NOVA1: variants seen among roughly 807,000 people sequenced by gnomAD.
NOVA1 encodes the protein RNA-binding protein Nova-1.
NOVA1 carries 7 observed loss-of-function variants against 38.0 expected under a neutral mutation model. The observed-to-expected ratio is 0.18, with a 90% confidence interval of 0.10 to 0.35. The LOEUF (loss-of-function observed/expected upper bound fraction) is 0.35. Among genes scored for constraint, NOVA1 ranks in the 10% least tolerant of loss-of-function variants. The pLI is 1.00. For synonymous variants in NOVA1, 270 were observed against 232.5 expected (o/e 1.16, Z -1.47); for missense variants, 460 against 616.0 (o/e 0.75, Z 2.68).
rs1223737317 is a variant in NOVA1, at chr14:26,444,652, C to T, written c.*3307G>A. 6.6e-6 allele frequency: 1 copy of T among 151,920 alleles called. No homozygotes were observed. Among genetic ancestry groups the T allele is most frequent in the Non-Finnish European group, 1.5e-5 (1 of 67,976 alleles). 9.4% of individuals were successfully genotyped at this position (151,920 alleles called of 1,614,324 possible). On this transcript the variant is annotated 3_prime_UTR_variant, in exon 5 of 5. Coordinates refer to ENST00000539517, the MANE Select transcript of NOVA1 (RefSeq NM_002515.3). Reference sequence around the variant, plus strand: ...AAAATGACTTCCACAGAAATAGATACATTTAACTGTTTCAGGAGTGGGGTG... The same window carrying T: ...AAAATGACTTCCACAGAAATAGATATATTTAACTGTTTCAGGAGTGGGGTG...
intron 4 of NOVA1, among the ~76,000 whole-genome samples, chr14:26,452,979 A>G (rs1414481706): frequency 2.0e-5 from 3 of 152,320 alleles, no homozygotes; most frequent in Non-Finnish European, 2.9e-5. Context: ...AAGGAGACAC[A>G]AAGTTTAACT....
At chr14:26,465,443 T>C (rs1438097268) in intron 4 of NOVA1, among the ~76,000 whole-genome samples, 3 of 152,192 alleles carry the variant, frequency 2.0e-5, no homozygotes, top group Non-Finnish European at 4.4e-5. Flanking sequence ...AGTGCTGGGA[T>C]TACAGGCGTG....
intron 2 of NOVA1, among the ~76,000 whole-genome samples, chr14:26,490,009 A>T (rs2138347545): frequency 6.6e-6 from 1 of 152,282 alleles, no homozygotes; most frequent in Admixed American, 6.5e-5. Context: ...ATTAAGAAAT[A>T]AATTTCCATC....
At chr14:26,512,261 A>T (rs1313955103) in intron 2 of NOVA1, among the ~76,000 whole-genome samples, 1 of 152,200 alleles carries the variant, frequency 6.6e-6, no homozygotes, top group Non-Finnish European at 1.5e-5. Context: ...AGCTAAGCAA[A>T]ACTGGTCCTA....
intron 4 of NOVA1, among the ~76,000 whole-genome samples, chr14:26,456,399 T>C (rs562721933): frequency 6.6e-6 from 1 of 151,922 alleles, no homozygotes; most frequent in African/African-American, 2.4e-5. Flanking sequence ...GGAGTTAACA[T>C]ACAAATTGTA....
chr14:26,474,433 T>C (rs144560308), intron 3 of NOVA1, among the ~76,000 whole-genome samples: 58 of 152,202 alleles, frequency 3.8e-4, no homozygotes, highest in Admixed American at 9.2e-4. Flanking sequence ...AAAATTAAAA[T>C]TTAATATCGA....
At chr14:26,504,785 A>G (rs1188663774) in intron 2 of NOVA1, among the ~76,000 whole-genome samples, 1 of 151,896 alleles carries the variant, frequency 6.6e-6, no homozygotes, top group African/African-American at 2.4e-5. Flanking sequence ...GTTAAAAAAA[A>G]AAAATGGCAC....
chr14:26,455,575 C>T (rs1883100102), intron 4 of NOVA1, among the ~76,000 whole-genome samples: 1 of 151,822 alleles, frequency 6.6e-6, no homozygotes, highest in South Asian at 2.1e-4. Context: ...TTTCTAAAGA[C>T]AAAATTTAAC....
At chr14:26,470,362 G>T in intron 4 of NOVA1, 1 of 1,491,720 alleles carries the variant, frequency 6.7e-7, no homozygotes, top group Non-Finnish European at 9.2e-7. Context: ...AAATACTGTT[G>T]GGGAGAAAAT....
At chr14:26,535,851 C>A (rs550187319) in intron 2 of NOVA1, among the ~76,000 whole-genome samples, 3 of 151,844 alleles carry the variant, frequency 2.0e-5, no homozygotes, top group Non-Finnish European at 1.5e-5. Flanking sequence ...TGGTGGTGGG[C>A]GCCTGTAGTC....
intron 2 of NOVA1, among the ~76,000 whole-genome samples, chr14:26,489,213 T>G (rs1886146196): frequency 6.6e-6 from 1 of 152,180 alleles, no homozygotes; most frequent in Admixed American, 6.5e-5. Flanking sequence ...TAACTTTATG[T>G]CATATTTTTT....
intron 2 of NOVA1, among the ~76,000 whole-genome samples, chr14:26,503,341 G>C (rs1008830303): frequency 6.6e-6 from 1 of 151,908 alleles, no homozygotes; most frequent in Admixed American, 6.6e-5. Flanking sequence ...ACCAAAGGAA[G>C]AATGAAAGCC....
At chr14:26,452,904 T>C (rs1202851900) in intron 4 of NOVA1, among the ~76,000 whole-genome samples, 1 of 152,164 alleles carries the variant, frequency 6.6e-6, no homozygotes, top group Non-Finnish European at 1.5e-5. Context: ...TAGATAGTTG[T>C]AGAAAATGAG....
intron 2 of NOVA1, among the ~76,000 whole-genome samples, chr14:26,586,340 C>T (rs1893513266): frequency 6.6e-6 from 1 of 151,064 alleles, no homozygotes; most frequent in African/African-American, 2.4e-5. Flanking sequence ...AAGGAGAAAA[C>T]AGTGATGTTT....
intron 4 of NOVA1, among the ~76,000 whole-genome samples, chr14:26,454,109 G>C (rs1339502105): frequency 6.6e-6 from 1 of 151,936 alleles, no homozygotes; most frequent in Non-Finnish European, 1.5e-5. Flanking sequence ...TGGAAGAATT[G>C]TCTCAAGCTA....
At chr14:26,475,630 T>C (rs912201564) in intron 3 of NOVA1, among the ~76,000 whole-genome samples, 1 of 152,184 alleles carries the variant, frequency 6.6e-6, no homozygotes, top group African/African-American at 2.4e-5. Context: ...CTACATTACT[T>C]GAATGGCTGT....
intron 2 of NOVA1, among the ~76,000 whole-genome samples, chr14:26,591,921 T>C (rs890205827): frequency 1.3e-4 from 19 of 151,094 alleles, no homozygotes; most frequent in African/African-American, 4.1e-4. Flanking sequence ...TAAAAGGAAA[T>C]ATTTTTATTA....
chr14:26,588,886 T>C (rs1304162926), intron 2 of NOVA1, among the ~76,000 whole-genome samples: 2 of 151,360 alleles, frequency 1.3e-5, no homozygotes, highest in Non-Finnish European at 3.0e-5. Flanking sequence ...CAACTATTCA[T>C]AATTAAAGTA....
At chr14:26,562,263 C>T (rs1053576574) in intron 2 of NOVA1, among the ~76,000 whole-genome samples, 2 of 152,058 alleles carry the variant, frequency 1.3e-5, no homozygotes, top group African/African-American at 4.8e-5. Context: ...ACTTACTAGC[C>T]CTGTGAAATT....
Sources: allele counts gnomAD v4.1 joint callset (sites outside exome capture counted in the v4.1 genomes callset), GRCh38; gene constraint gnomAD v4.1.1; transcripts MANE v1.5; gene names NCBI Gene and HGNC (gene_info 2026-07-23, HGNC 2026-07-21).